Variants in KIF6 observed in about 807,000 individuals in gnomAD.
KIF6 encodes kinesin-like protein KIF6.
KIF6 carries 106 observed loss-of-function variants against 112.7 expected under a neutral mutation model. That is an observed-to-expected ratio of 0.94 (90% CI 0.80 to 1.11). The LOEUF is 1.11. Among genes scored for constraint, KIF6 ranks in the 50% least tolerant of loss-of-function variants. The pLI is 0.00. For missense variants in KIF6, 929 were observed against 964.0 expected, an observed-to-expected ratio of 0.96 and a Z score of 0.48; for synonymous variants, 339 against 339.9, an observed-to-expected ratio of 1.00 and a Z score of 0.03.
intron 13 of KIF6, among the ~76,000 whole-genome samples, chr6:39,503,784 T>C (rs6930018): frequency 0.15 from 22,108 of 146,324 alleles, 1,866 homozygotes; most frequent in African/African-American, 0.24. Context: ...AGGAAGATAA[T>C]GAATCCCTGA....
At chr6:39,357,602 T>C (rs1222916216) in intron 18 of KIF6, among the ~76,000 whole-genome samples, 1 of 151,996 alleles carries the variant, frequency 6.6e-6, no homozygotes. Flanking sequence ...GCACCCGCCA[T>C]CATGCCCGGC....
At chr6:39,570,406 G>A (rs550739400) in intron 10 of KIF6, among the ~76,000 whole-genome samples, 1 of 152,204 alleles carries the variant, frequency 6.6e-6, no homozygotes, top group Non-Finnish European at 1.5e-5. Flanking sequence ...AATATCCAGT[G>A]ACTGGAATAT....
intron 19 of KIF6, among the ~76,000 whole-genome samples, chr6:39,354,381 A>C (rs1051003563): frequency 5.3e-5 from 8 of 152,260 alleles, no homozygotes; most frequent in African/African-American, 1.9e-4. Flanking sequence ...ACAGATGATC[A>C]TATCCCAAAC....
intron 15 of KIF6, among the ~76,000 whole-genome samples, chr6:39,388,794 T>A (rs1224741433): frequency 6.6e-6 from 1 of 151,882 alleles, no homozygotes; most frequent in Non-Finnish European, 1.5e-5. Context: ...TCCAGAGGTA[T>A]GGAAAAGAGA....
rs67266170 is a variant in KIF6 at position 39,342,594 on chromosome 6, G to GTTTTTTATTT, written c.2428+1105_2428+1114dup. Among the ~76,000 whole-genome samples the GTTTTTTATTT allele has an allele frequency of 1.4e-4, 18 of 124,380 alleles. No individual in the cohort carries two copies. The highest frequency in any genetic ancestry group is 4.8e-4 in the African/African-American group (11 of 22,878). The allele number at this position is 124,380 out of a possible 152,430, so 81.6% of individuals were successfully genotyped here. ...GGGGACTTGGAGATCACTGAATCCAGTTTTTTATTTTTTTTTATTTTTTTT... is the reference window on the plus strand; with the variant it reads ...GGGGACTTGGAGATCACTGAATCCAGTTTTTTATTTTTTTTTATTTTTTTTTATTTTTTTT... On this transcript the variant is annotated intron_variant, in intron 22 of 22. Transcript: ENST00000287152. The surrounding 1 kb of genome is among the most constrained non-coding windows in gnomAD (Gnocchi z 4.7).
chr6:39,519,385 A>T (rs1394632916), intron 13 of KIF6, among the ~76,000 whole-genome samples: 1 of 152,242 alleles, frequency 6.6e-6, no homozygotes, highest in African/African-American at 2.4e-5. Flanking sequence ...GACAATAAAT[A>T]TGAAGAATAA....
intron 9 of KIF6, chr6:39,583,411 C>T (rs1436351246): frequency 2.1e-6 from 1 of 471,528 alleles, no homozygotes; most frequent in South Asian, 1.5e-5. Context: ...AGGGCCTTTG[C>T]TGAAACAGAT....
intron 3 of KIF6, among the ~76,000 whole-genome samples, chr6:39,678,147 A>G (rs1787286415): frequency 6.6e-6 from 1 of 151,702 alleles, no homozygotes; most frequent in Non-Finnish European, 1.5e-5. Flanking sequence ...AAAAGTCAGG[A>G]AACAACAGGT....
chr6:39,442,855 T>C (rs2150397162), intron 13 of KIF6, among the ~76,000 whole-genome samples: 1 of 152,122 alleles, frequency 6.6e-6, no homozygotes, highest in South Asian at 2.1e-4. Flanking sequence ...GGCTCATGCC[T>C]GTAATCCCAG....
chr6:39,667,624 C>T (rs1170503735), intron 3 of KIF6, among the ~76,000 whole-genome samples: 1 of 152,096 alleles, frequency 6.6e-6, no homozygotes, highest in Non-Finnish European at 1.5e-5. Flanking sequence ...AACTTGGCAC[C>T]CATACATATC....
intron 5 of KIF6, among the ~76,000 whole-genome samples, chr6:39,620,043 ACAT>A (rs959862543): frequency 6.6e-6 from 1 of 152,202 alleles, no homozygotes; most frequent in Admixed American, 6.5e-5. Flanking sequence ...TGCCCGCCAG[ACAT>A]CATCATTTGC....
intron 10 of KIF6, among the ~76,000 whole-genome samples, chr6:39,552,738 A>G (rs1393229489): frequency 6.6e-6 from 1 of 152,130 alleles, no homozygotes. Flanking sequence ...AATAAATAGT[A>G]ACTAGTCTGC....
chr6:39,638,757 T>C (rs1385190539), intron 4 of KIF6, among the ~76,000 whole-genome samples: 2 of 152,232 alleles, frequency 1.3e-5, no homozygotes, highest in African/African-American at 2.4e-5. Context: ...AAGGAATTGC[T>C]GGAACTAGTA....
At chr6:39,640,382 G>T (rs768452003) in intron 3 of KIF6, among the ~76,000 whole-genome samples, 17 of 152,040 alleles carry the variant, frequency 1.1e-4, no homozygotes, top group Non-Finnish European at 1.5e-4. Context: ...CCTTTGAAGA[G>T]CACCACCTGT....
chr6:39,413,715 GGGAGA>G (rs773364231), intron 15 of KIF6, among the ~76,000 whole-genome samples: 4 of 152,068 alleles, frequency 2.6e-5, no homozygotes, highest in African/African-American at 9.7e-5. Flanking sequence ...GAGACAAGGA[GGGAGA>G]GGAGAGGAGA....
chr6:39,724,602 C>T (rs538463962), intron 1 of KIF6, among the ~76,000 whole-genome samples: 17 of 152,230 alleles, frequency 1.1e-4, no homozygotes, highest in Admixed American at 2.0e-4. Context: ...ATGAAGTACA[C>T]ATGCGTATTC....
chr6:39,625,058 A>C lies in KIF6; in HGVS notation c.509+9791T>G, dbSNP rs1270189930. Among the ~76,000 whole-genome samples, 3 of 152,026 alleles carry C rather than the reference A, an allele frequency of 2.0e-5. No individual in the cohort carries two copies. The East Asian group carries it at 5.8e-4, about 29-fold the overall frequency. ...GAGCTCTCTCTCTCTTTCTCTCCTC[A>C]CCAGGCAAGAAGGCAACAGTCTGCA... On this transcript the variant is annotated intron_variant, in intron 5 of 22. Transcript: ENST00000287152.
chr6:39,507,960 T>TTCC (rs950837313), intron 13 of KIF6, among the ~76,000 whole-genome samples: 4 of 87,286 alleles, frequency 4.6e-5, no homozygotes, highest in Non-Finnish European at 8.3e-5. Context: ...CCCCTTCCCC[T>TTCC]TCCTCCTCCT....
rs538316269 is a variant in KIF6, at chr6:39,398,261, G to T, written c.1811-12589C>A. On this transcript the variant is annotated intron_variant, in intron 15 of 22. Coordinates refer to ENST00000287152, the MANE Select transcript of KIF6 (RefSeq NM_145027.6). ...GATGTTCAGTTCCTTCGTGGCTAGG[G>T]ACAGGTGGATAACTGTTTCCTATAA... Among the ~76,000 whole-genome samples, 4 of 152,296 alleles carry T rather than the reference G, an allele frequency of 2.6e-5. No homozygotes were observed. In the East Asian group the frequency reaches 7.7e-4, roughly 29 times the overall value.
Sources: gnomAD v4.1 joint callset for allele counts (sites outside exome capture counted in the v4.1 genomes callset) on GRCh38, gnomAD v4.1.1 for gene constraint, Gnocchi (gnomAD v3.1) non-coding constraint, MANE v1.5 for transcripts, NCBI Gene and HGNC (gene_info 2026-07-23, HGNC 2026-07-21) for gene names.